RAB36: variants seen among roughly 807,000 people sequenced by gnomAD.
RAB36 encodes the protein RAB36, member RAS oncogene family, also known as ras-related protein Rab-36.
RAB36 carries 33 observed loss-of-function variants against 39.3 expected under a neutral mutation model. The ratio of observed to expected loss-of-function variants is 0.84; its 90% CI spans 0.64 to 1.12. RAB36 has a LOEUF of 1.12. Among genes scored for constraint, RAB36 ranks in the 50% most tolerant of loss-of-function variants. The probability of loss-of-function intolerance (pLI) is 0.00; values close to 1 mark genes in which losing one functional copy is unlikely to be tolerated. For synonymous variants in RAB36, 133 were observed against 140.2 expected (o/e 0.95, Z 0.36); for missense variants, 308 against 355.3 (o/e 0.87, Z 1.07).
chr22:23,150,241 C>T, intron 3 of RAB36, 87 bp downstream of exon 3: 3 of 1,070,454 alleles, frequency 2.8e-6, no homozygotes, highest in South Asian at 1.3e-5. Context: ...AAATGAAACA[C>T]ACACACGAGG....
At position 23,164,157 on chromosome 22, in the gene RAB36, C is replaced by T. The variant is rs1199813354; in HGVS notation, c.*2593C>T. 2 of 152,268 alleles carry T rather than the reference C, an allele frequency of 1.3e-5. No individual in the cohort carries two copies. The highest frequency in any genetic ancestry group is 6.5e-5 in the Admixed American group (1 of 15,282). The allele number at this position is 152,268 out of a possible 1,614,324, so 9.4% of individuals were successfully genotyped here. A position where few individuals can be genotyped will look rare whatever the true frequency, so the allele number is the denominator to read the frequency against. ...TTTGCTGGGCATAAGCTTCACAGGA[C>T]GGGAGAACCTGCCCATGGTGGACTG... On this transcript the variant is annotated 3_prime_UTR_variant, in exon 11 of 11. Transcript: ENST00000263116.
chr22:23,148,681 C>T (rs1305489742), intron 2 of RAB36, among the ~76,000 whole-genome samples: 1 of 152,224 alleles, frequency 6.6e-6, no homozygotes, highest in African/African-American at 2.4e-5. Flanking sequence ...GCTTGCCAGG[C>T]AAGTCCTTCC....
chr22:23,160,901 C>A lies in RAB36; in HGVS notation c.642C>A (p.Phe214Leu). The A allele has an allele frequency of 6.2e-7, 1 of 1,613,858 alleles. No homozygotes were observed. The highest frequency in any genetic ancestry group is 8.5e-7 in the Non-Finnish European group (1 of 1,179,886). Residue 214 changes from phenylalanine to leucine, a missense_variant, in exon 10 of 11, where the codon TTC becomes TTA. Coordinates refer to ENST00000263116, the MANE Select transcript of RAB36 (RefSeq NM_004914.5). ...AKTGENVKAFFSRVAALAFEQ... is the reference protein window; with the variant it reads ...AKTGENVKAFLSRVAALAFEQ... The stretch of plus-strand genomic sequence containing the variant: ...CAGGCGAGAACGTGAAGGCATTCTT[C>A]AGCCGCGTAGCCGCCCTGGCATTCG...
chr22:23,148,485 C>G (rs1244341289), intron 2 of RAB36, among the ~76,000 whole-genome samples: 3 of 152,164 alleles, frequency 2.0e-5, no homozygotes, highest in Non-Finnish European at 4.4e-5. Flanking sequence ...GGGATTTGAC[C>G]TGGCCGTGTC....
intron 2 of RAB36, among the ~76,000 whole-genome samples, chr22:23,149,745 G>A (rs527629487): frequency 6.6e-5 from 10 of 152,284 alleles, no homozygotes; most frequent in African/African-American, 9.6e-5. Flanking sequence ...AGCTCCACTC[G>A]TCTCGCCCTG....
At chr22:23,147,917 G>T (rs376924206) in intron 2 of RAB36, among the ~76,000 whole-genome samples, 19 of 152,226 alleles carry the variant, frequency 1.2e-4, no homozygotes, top group East Asian at 3.9e-4. Context: ...GCACACTCCG[G>T]TGTGTGAAAA....
chr22:23,166,221 A>G (rs1035200321), downstream of RAB36, among the ~76,000 whole-genome samples: 1 of 149,362 alleles, frequency 6.7e-6, no homozygotes, highest in African/African-American at 2.5e-5. Context: ...GTGCTTATCA[A>G]GCCTCTGTTT....
intron 6 of RAB36, among the ~76,000 whole-genome samples, chr22:23,156,957 G>A (rs1045246173): frequency 3.3e-5 from 5 of 152,250 alleles, no homozygotes; most frequent in East Asian, 3.9e-4. Context: ...TGGGAGGGGC[G>A]TGGGTCTCCC....
intron 5 of RAB36, among the ~76,000 whole-genome samples, chr22:23,153,969 G>T (rs778763942): frequency 6.6e-6 from 1 of 152,096 alleles, no homozygotes; most frequent in Admixed American, 6.5e-5. Flanking sequence ...GATTACAGGT[G>T]TGAGCCACCG....
At chr22:23,145,984 C>G (rs753988100) in intron 1 of RAB36, 569 of 985,328 alleles carry the variant, frequency 5.8e-4, no homozygotes, top group Non-Finnish European at 6.6e-4. Context: ...CCCCTCCCCA[C>G]TCTACTTCCA....
intron 6 of RAB36, among the ~76,000 whole-genome samples, chr22:23,156,815 C>A (rs1344218293): frequency 6.6e-6 from 1 of 152,222 alleles, no homozygotes; most frequent in East Asian, 1.9e-4. Flanking sequence ...CCTCTTCGGG[C>A]CTCTCCTTGA....
chr22:23,159,909 ATC>A (rs2071679041), intron 9 of RAB36, among the ~76,000 whole-genome samples: 1 of 152,232 alleles, frequency 6.6e-6, no homozygotes, highest in Non-Finnish European at 1.5e-5. Flanking sequence ...GATGCCATCC[ATC>A]TCCCTTTTTT....
rs570418119 is a variant in RAB36, at chr22:23,149,060, A to C, written c.70-1003A>C. On this transcript the variant is annotated intron_variant, in intron 2 of 10. Transcript: ENST00000263116. Reference sequence around the variant, plus strand: ...CTCCTTTCACCATCCCTGCTGCCTCAATCACAGCTGGAACTGAGAGGGCAG... The same window carrying C: ...CTCCTTTCACCATCCCTGCTGCCTCCATCACAGCTGGAACTGAGAGGGCAG... Among the ~76,000 whole-genome samples, 23 of 152,318 alleles carry C rather than the reference A, an allele frequency of 1.5e-4. No individual in the cohort carries two copies. In the South Asian group the frequency reaches 4.8e-3, roughly 32 times the overall value.
intron 3 of RAB36, among the ~76,000 whole-genome samples, chr22:23,150,854 T>C (rs2071074372): frequency 6.6e-6 from 1 of 152,162 alleles, no homozygotes; most frequent in Non-Finnish European, 1.5e-5. Flanking sequence ...GTACCCCTCC[T>C]GGGTGCTCTT....
At chr22:23,152,185 G>T (rs551717303) in intron 3 of RAB36, among the ~76,000 whole-genome samples, 2 of 152,288 alleles carry the variant, frequency 1.3e-5, no homozygotes, top group African/African-American at 4.8e-5. Context: ...CCTGTGACTC[G>T]GCCTCTTGTT....
chr22:23,152,607 T>C (rs762727181), intron 4 of RAB36, 81 bp downstream of exon 4: 8 of 1,339,724 alleles, frequency 6.0e-6, no homozygotes, highest in Non-Finnish European at 8.6e-6. Context: ...CCAGATAATA[T>C]CAACATAGCA....
chr22:23,159,390 A>T, intron 9 of RAB36, 137 bp downstream of exon 9: 1 of 839,732 alleles, frequency 1.2e-6, no homozygotes, highest in Middle Eastern at 2.3e-4. Flanking sequence ...CTGGCATCAC[A>T]GCCCTGCTGT....
Position 23,160,620 on chromosome 22 carries a change from T to C in RAB36, c.620-259T>C, listed in dbSNP as rs562811940. On this transcript the variant is annotated intron_variant, in intron 9 of 10. Coordinates refer to ENST00000263116, the MANE Select transcript of RAB36 (RefSeq NM_004914.5). ...GCAAAGGCTCAGAAGTTTGAGGGAG[T>C]GGCCCAAGCAGGCAGTGGGGTGGGA... is the stretch of plus-strand genomic sequence containing the variant. Among the ~76,000 whole-genome samples the C allele has an allele frequency of 3.9e-5, 6 of 151,920 alleles. No individual in the cohort carries two copies. The South Asian group carries it at 6.2e-4, about 16-fold the overall frequency.
At chr22:23,161,121 AC>A in intron 10 of RAB36, 123 bp downstream of exon 10, 1 of 1,256,754 alleles carries the variant, frequency 8.0e-7, no homozygotes, top group South Asian at 1.5e-5. Context: ...CTGTCCTTTG[AC>A]CCTCCTCTCA....
Sources: gnomAD v4.1 joint callset for allele counts (sites outside exome capture counted in the v4.1 genomes callset) on GRCh38, gnomAD v4.1.1 for gene constraint, MANE v1.5 for transcripts, NCBI Gene and HGNC (gene_info 2026-07-23, HGNC 2026-07-21) for gene names.